ALK: variants seen among roughly 807,000 people sequenced by gnomAD.
ALK encodes the protein ALK tyrosine kinase receptor.
ALK carries 74 observed loss-of-function variants against 163.1 expected under a neutral mutation model. The observed-to-expected ratio is 0.45, with a 90% CI of 0.38 to 0.55. ALK has a LOEUF of 0.55. Ranked by LOEUF, ALK falls within the 20% of genes least tolerant of loss-of-function variation. The pLI is 0.00. For missense variants in ALK, 2,063 were observed against 2,105.3 expected (o/e 0.98, Z 0.39); for synonymous variants, 960 against 843.2 (o/e 1.14, Z -2.40).
intron 4 of ALK, among the ~76,000 whole-genome samples, chr2:29,403,069 T>A (rs62130031): frequency 0.05 from 7,558 of 152,258 alleles, 247 homozygotes; most frequent in Non-Finnish European, 0.076. Flanking sequence ...TGAAGTTGGC[T>A]TTGCTCCTGA....
intron 8 of ALK, among the ~76,000 whole-genome samples, chr2:29,310,948 A>G (rs904606851): frequency 1.5e-4 from 23 of 152,202 alleles, no homozygotes; most frequent in Non-Finnish European, 2.8e-4. Context: ...GTGGGGCCCA[A>G]ATCTCTTACT....
At chr2:29,251,006 A>C in intron 12 of ALK, 99 bp downstream of exon 12, 1 of 1,305,074 alleles carries the variant, frequency 7.7e-7, no homozygotes, top group Non-Finnish European at 1.1e-6. Flanking sequence ...TTGAACCTTG[A>C]CATGCCTGGG....
At chr2:29,228,754 G>C in intron 16 of ALK, 130 bp downstream of exon 16, 1 of 695,472 alleles carries the variant, frequency 1.4e-6, no homozygotes, top group Non-Finnish European at 2.6e-6. Flanking sequence ...GGTCGAGAGG[G>C]AGGCGTGCAG....
At chr2:29,488,167 T>C (rs1194387031) in intron 4 of ALK, among the ~76,000 whole-genome samples, 1 of 152,222 alleles carries the variant, frequency 6.6e-6, no homozygotes, top group Non-Finnish European at 1.5e-5. Flanking sequence ...GCACGTGCTA[T>C]TTATATATGC....
chr2:29,229,766 C>T (rs185743871), intron 15 of ALK, among the ~76,000 whole-genome samples: 125 of 152,286 alleles, frequency 8.2e-4, no homozygotes, highest in Non-Finnish European at 1.5e-3. Context: ...GCAGAACACA[C>T]GCGTGCAGAC....
intron 26 of ALK, among the ~76,000 whole-genome samples, chr2:29,200,150 A>G (rs186622032): frequency 6.6e-6 from 1 of 152,290 alleles, no homozygotes; most frequent in East Asian, 1.9e-4. Flanking sequence ...TTTGCTACTT[A>G]CAAATTGCCT....
intron 1 of ALK, among the ~76,000 whole-genome samples, chr2:29,722,498 A>G (rs1679450497): frequency 6.6e-6 from 1 of 152,220 alleles, no homozygotes; most frequent in South Asian, 2.1e-4. Flanking sequence ...TTGGAAAACC[A>G]TACAGTGAAT....
intron 4 of ALK, among the ~76,000 whole-genome samples, chr2:29,456,272 C>T (rs767246672): frequency 1.2e-4 from 19 of 152,100 alleles, no homozygotes; most frequent in African/African-American, 4.3e-4. Flanking sequence ...TGTACACCCA[C>T]GTTCATGGCA....
chr2:29,813,524 C>T (rs191071212), intron 1 of ALK, among the ~76,000 whole-genome samples: 1 of 152,210 alleles, frequency 6.6e-6, no homozygotes, highest in Middle Eastern at 3.4e-3. Flanking sequence ...GAGTCACTGT[C>T]TCCCCCAAGA....
intron 1 of ALK, among the ~76,000 whole-genome samples, chr2:29,913,688 T>C (rs1209626028): frequency 6.6e-6 from 1 of 152,238 alleles, no homozygotes; most frequent in Non-Finnish European, 1.5e-5. Flanking sequence ...CAAAATGTTC[T>C]GTGGTTCTTA....
chr2:29,403,644 G>A (rs1476234245), intron 4 of ALK, among the ~76,000 whole-genome samples: 1 of 131,576 alleles, frequency 7.6e-6, no homozygotes, highest in East Asian at 2.7e-4. Context: ...GGGAGGCTGA[G>A]TCAGGAGGAT....
At chr2:29,296,439 A>G (rs986838408) in intron 9 of ALK, among the ~76,000 whole-genome samples, 2 of 152,242 alleles carry the variant, frequency 1.3e-5, no homozygotes, top group African/African-American at 4.8e-5. Flanking sequence ...CAGGAGTGGT[A>G]AATGATGATA....
chr2:29,579,204 T>G (rs926354035), intron 3 of ALK, among the ~76,000 whole-genome samples: 5 of 152,260 alleles, frequency 3.3e-5, no homozygotes, highest in African/African-American at 9.6e-5. Flanking sequence ...ATTTGCCGTG[T>G]GACCTTGTGT....
chr2:29,528,229 T>G (rs1228337684), intron 4 of ALK, among the ~76,000 whole-genome samples: 1 of 152,210 alleles, frequency 6.6e-6, no homozygotes, highest in Non-Finnish European at 1.5e-5. Flanking sequence ...AAAAGTCATG[T>G]GCTTCGAAAG....
chr2:29,905,602 A>AGAAG (rs1373219569), intron 1 of ALK, among the ~76,000 whole-genome samples: 3 of 151,130 alleles, frequency 2.0e-5, no homozygotes, highest in African/African-American at 7.3e-5. Context: ...AAGGAAGGAA[A>AGAAG]GAAGGAAGGG....
chr2:29,512,943 G>T (rs1249080385), intron 4 of ALK, among the ~76,000 whole-genome samples: 1 of 150,804 alleles, frequency 6.6e-6, no homozygotes, highest in African/African-American at 2.5e-5. Context: ...ACCTTACAAG[G>T]GACGTGAAGG....
chr2:29,632,763 A>G (rs987441257), intron 3 of ALK, among the ~76,000 whole-genome samples: 1 of 152,224 alleles, frequency 6.6e-6, no homozygotes, highest in Non-Finnish European at 1.5e-5. Flanking sequence ...GGACGCCTCA[A>G]AATCATGGTG....
At chr2:29,474,715 G>C (rs915349421) in intron 4 of ALK, among the ~76,000 whole-genome samples, 1 of 152,216 alleles carries the variant, frequency 6.6e-6, no homozygotes, top group African/African-American at 2.4e-5. Context: ...TCACAAGACA[G>C]AACTGCAGTA....
chr2:29,689,372 A>G (rs999243998), intron 3 of ALK, among the ~76,000 whole-genome samples: 5 of 152,198 alleles, frequency 3.3e-5, no homozygotes, highest in Non-Finnish European at 7.3e-5. Flanking sequence ...TTTCCCGCAA[A>G]GTCTGCACTT....
Sources: allele counts gnomAD v4.1 joint callset (sites outside exome capture counted in the v4.1 genomes callset), GRCh38; gene constraint gnomAD v4.1.1; transcripts MANE v1.5; gene names NCBI Gene and HGNC (gene_info 2026-07-23, HGNC 2026-07-21).